Variants in GLRX observed in about 807,000 individuals in gnomAD.
GLRX encodes glutaredoxin-1.
GLRX carries 9 observed loss-of-function variants against 11.1 expected under a neutral mutation model. The ratio of observed to expected loss-of-function variants is 0.81; its 90% CI spans 0.49 to 1.42. The LOEUF is 1.42. Ranked by LOEUF, GLRX falls within the 40% of genes most tolerant of loss-of-function variation. The probability of loss-of-function intolerance (pLI) is 0.00; values close to 1 mark genes in which losing one functional copy is unlikely to be tolerated. For missense variants in GLRX, 102 were observed against 126.2 expected, an observed-to-expected ratio of 0.81 and a Z score of 0.92; for synonymous variants, 49 against 49.5, an observed-to-expected ratio of 0.99 and a Z score of 0.04.
chr5:95,816,455 A>G, intron 2 of GLRX, 52 bp downstream of exon 2: 1 of 880,926 alleles, frequency 1.1e-6, no homozygotes, highest in East Asian at 2.4e-5. Flanking sequence ...CCACGACAGA[A>G]GAATTCCACG....
At chr5:95,819,723 A>C (rs1051248583) in intron 1 of GLRX, among the ~76,000 whole-genome samples, 62 of 151,534 alleles carry the variant, frequency 4.1e-4, no homozygotes, top group African/African-American at 1.5e-3. Flanking sequence ...CACAGTGAAA[A>C]CCCGTCTCTA....
intron 1 of GLRX, chr5:95,818,098 C>A (rs1167014467): frequency 1.3e-5 from 2 of 152,238 alleles, no homozygotes; most frequent in African/African-American, 4.8e-5. Context: ...GAGCTGCCCC[C>A]CAGCCTCCTG....
chr5:95,816,465 G>A (rs758337838), intron 2 of GLRX, 42 bp downstream of exon 2: 7 of 914,446 alleles, frequency 7.7e-6, no homozygotes, highest in Admixed American at 3.4e-5. Flanking sequence ...AGAATTCCAC[G>A]GTCTCCCATG....
In GLRX at chr5:95,813,954, A is replaced by G. The variant is rs1046560726; in HGVS notation, c.*442T>C. 6.6e-6 allele frequency: 1 copy of G among 152,212 alleles called. No homozygotes were observed. Among genetic ancestry groups the G allele is most frequent in the Non-Finnish European group, 1.5e-5 (1 of 68,034 alleles). 9.4% of individuals were successfully genotyped at this position (152,212 alleles called of 1,614,324 possible). On this transcript the variant is annotated 3_prime_UTR_variant, in exon 3 of 3. Transcript: ENST00000237858. ...TCCTTAATGTCTTGAGAACATGCAA[A>G]TGAATTGGACAAAAATCACTGAATC...
At chr5:95,822,263 T>C (rs1245096693) in intron 1 of GLRX, 193 bp downstream of exon 1, 2 of 604,882 alleles carry the variant, frequency 3.3e-6, no homozygotes, top group Admixed American at 5.7e-5. Flanking sequence ...GTGAAGACCT[T>C]TGGCTGCAGT....
intron 1 of GLRX, chr5:95,819,377 AAAG>A (rs1327779098): frequency 6.6e-6 from 1 of 152,260 alleles, no homozygotes; most frequent in East Asian, 1.9e-4. Flanking sequence ...AGAAATGCCC[AAAG>A]AAGTTCTTCA....
At chr5:95,818,183 G>C (rs1381932700) in intron 1 of GLRX, 1 of 152,032 alleles carries the variant, frequency 6.6e-6, no homozygotes, top group Non-Finnish European at 1.5e-5. Context: ...GAAGCGAAAG[G>C]CTCCTTTACC....
intron 1 of GLRX, among the ~76,000 whole-genome samples, chr5:95,821,394 C>A (rs1386798274): frequency 2.0e-5 from 3 of 152,120 alleles, no homozygotes; most frequent in Admixed American, 6.6e-5. Flanking sequence ...TACTCCAGGA[C>A]CTCAGCACAC....
In GLRX at chr5:95,822,651, C is replaced by T. The variant is rs759561896; in HGVS notation, c.12G>A (p.Glu4=). Reference sequence around the variant, plus strand: ...CAGGCTGGATTTTGCAGTTCACAAACTCTTGAGCCATGCCGATGGGCTGCG... The same window carrying T: ...CAGGCTGGATTTTGCAGTTCACAAATTCTTGAGCCATGCCGATGGGCTGCG... MAQ[E]FVNCKIQPGK... Residue 4 remains glutamate (E), a synonymous_variant, in exon 1 of 3, where the codon GAG becomes GAA. Coordinates refer to ENST00000237858, the MANE Select transcript of GLRX (RefSeq NM_001118890.2). 1.2e-6 allele frequency: 2 copies of T among 1,613,854 alleles called. No individual in the cohort carries two copies. The highest frequency in any genetic ancestry group is 2.2e-5 in the East Asian group (1 of 44,884).
intron 2 of GLRX, among the ~76,000 whole-genome samples, chr5:95,815,169 A>G (rs1394315923): frequency 1.3e-5 from 2 of 152,214 alleles, no homozygotes; most frequent in Admixed American, 6.5e-5. Context: ...TAATGCCCAC[A>G]CCAAAATAGA....
intron 1 of GLRX, chr5:95,822,142 C>A: frequency 2.7e-6 from 1 of 367,548 alleles, no homozygotes; most frequent in Non-Finnish European, 5.0e-6. Flanking sequence ...CATTTCCTGG[C>A]AGTGCTTAAA....
Position 95,816,617 on chromosome 5 carries a change from C to G in GLRX, c.217G>C (p.Val73Leu). The G allele has an allele frequency of 6.4e-7, 1 of 1,551,592 alleles. No homozygotes were observed. Among genetic ancestry groups the G allele is most frequent in the Non-Finnish European group, 8.9e-7 (1 of 1,122,774 alleles). Reference sequence around the variant, plus strand: ...CCTATACAATCTTTACCAATAAAGACTCGAGGCACCTAAAAAAGCACACGA... The same window carrying G: ...CCTATACAATCTTTACCAATAAAGAGTCGAGGCACCTAAAAAAGCACACGA... ...QLTGARTVPR[V>L]FIGKDCIGGC... The change falls in exon 2 of 3, where the codon GTC becomes CTC. Residue 73 changes from valine (V) to leucine (L), a missense_variant. By Grantham distance (32) the Val-to-Leu change is conservative. Transcript: ENST00000237858.
At chr5:95,821,719 G>A (rs149050268) in intron 1 of GLRX, among the ~76,000 whole-genome samples, 24 of 152,310 alleles carry the variant, frequency 1.6e-4, no homozygotes, top group African/African-American at 5.1e-4. Context: ...AGAGAGGGAA[G>A]TCTTTCGGAT....
At position 95,822,254 on chromosome 5, in the gene GLRX, T is replaced by G. The variant is rs1459904240; in HGVS notation, c.207+202A>C. 3 of 598,900 alleles carry G rather than the reference T, an allele frequency of 5.0e-6. No individual in the cohort carries two copies. In the Admixed American group the frequency reaches 8.7e-5, roughly 17 times the overall value. The allele number at this position is 598,900 out of a possible 1,614,324, so 37.1% of individuals were successfully genotyped here. A position where few individuals can be genotyped will look rare whatever the true frequency, so the allele number is the denominator to read the frequency against. On this transcript the variant is annotated intron_variant, in intron 1 of 2. Transcript: ENST00000237858. ...CAGCTGTACTCCCTCTTCTGCCCCGTGAAGACCTTTGGCTGCAGTGCCGCC... is the reference window on the plus strand; with the variant it reads ...CAGCTGTACTCCCTCTTCTGCCCCGGGAAGACCTTTGGCTGCAGTGCCGCC...
chr5:95,822,210 C>T, intron 1 of GLRX: 1 of 552,452 alleles, frequency 1.8e-6, no homozygotes, highest in Non-Finnish European at 3.3e-6. Context: ...TCCCACTTAC[C>T]CTGCCGCACA....
chr5:95,817,702 T>C (rs1273323896), intron 1 of GLRX: 1 of 152,076 alleles, frequency 6.6e-6, no homozygotes, highest in African/African-American at 2.4e-5. Context: ...CCAGGAGTGT[T>C]CCACCAAGGC....
chr5:95,819,909 A>AAAAAC (rs1554071330), intron 1 of GLRX, among the ~76,000 whole-genome samples: 22 of 147,922 alleles, frequency 1.5e-4, no homozygotes, highest in African/African-American at 5.2e-4. Flanking sequence ...AAAAAAAAAA[A>AAAAAC]AAAAAAAAAA....
At chr5:95,817,519 G>A (rs28926210) in intron 1 of GLRX, 42,904 of 152,234 alleles carry the variant, frequency 0.28, 7,012 homozygotes, top group Non-Finnish European at 0.37. Flanking sequence ...AACTCACCCC[G>A]GATGAGGGTG....
At chr5:95,820,650 C>G (rs1338012555) in intron 1 of GLRX, among the ~76,000 whole-genome samples, 1 of 147,714 alleles carries the variant, frequency 6.8e-6, no homozygotes, top group Non-Finnish European at 1.5e-5. Context: ...AAAATCACAC[C>G]ACTGCACTCC....
Sources: allele counts gnomAD v4.1 joint callset (sites outside exome capture counted in the v4.1 genomes callset), GRCh38; gene constraint gnomAD v4.1.1; transcripts MANE v1.5; gene names NCBI Gene and HGNC (gene_info 2026-07-23, HGNC 2026-07-21).